USP37: variants seen among roughly 807,000 people sequenced by gnomAD.
USP37 encodes ubiquitin carboxyl-terminal hydrolase 37.
Under a neutral mutation model 124.0 loss-of-function variants are expected in USP37, and 27 were observed. The ratio of observed to expected loss-of-function variants is 0.22; its 90% CI spans 0.16 to 0.30. The LOEUF (loss-of-function observed/expected upper bound fraction) is 0.30, where lower values mean the gene tolerates loss of function less well. Among genes scored for constraint, USP37 ranks in the 10% least tolerant of loss-of-function variants. The probability of loss-of-function intolerance (pLI) is 1.00; values close to 1 mark genes in which losing one functional copy is unlikely to be tolerated. For synonymous variants in USP37, 365 were observed against 388.0 expected, an observed-to-expected ratio of 0.94 and a Z score of 0.70; for missense variants, 889 against 1,140.4, an observed-to-expected ratio of 0.78 and a Z score of 3.17.
chr2:218,544,438 GA>G lies in USP37; in HGVS notation c.680+1782del, dbSNP rs1559220789. Among the ~76,000 whole-genome samples the G allele has an allele frequency of 2.0e-3, 270 of 134,900 alleles. 6 individuals carry two copies. Among genetic ancestry groups the G allele is most frequent in the African/African-American group, 7.7e-3 (258 of 33,460 alleles). 88.5% of individuals were successfully genotyped at this position (134,900 alleles called of 152,430 possible). The stretch of plus-strand genomic sequence containing the variant: ...ATATATATATATATATATAGAGAGA[GA>G]GAGAGAGAGAGAGAGAGAGAGACCC... On this transcript the variant is annotated intron_variant, in intron 8 of 25. Transcript: ENST00000258399.
intron 21 of USP37, among the ~76,000 whole-genome samples, chr2:218,465,402 C>T (rs532691114): frequency 6.6e-6 from 1 of 151,626 alleles, no homozygotes; most frequent in South Asian, 2.1e-4. Flanking sequence ...CATAACAAGG[C>T]TCTGTCTCTA....
At chr2:218,487,095 T>C (rs897148867) in intron 15 of USP37, among the ~76,000 whole-genome samples, 1 of 152,138 alleles carries the variant, frequency 6.6e-6, no homozygotes, top group Non-Finnish European at 1.5e-5. Context: ...GGACCGCTAC[T>C]AGACAGATCA....
chr2:218,504,670 A>C (rs1689587224), intron 11 of USP37, among the ~76,000 whole-genome samples: 1 of 152,204 alleles, frequency 6.6e-6, no homozygotes, highest in African/African-American at 2.4e-5. Flanking sequence ...CCTAGCCTCA[A>C]GTGATCCTCC....
intron 20 of USP37, among the ~76,000 whole-genome samples, chr2:218,468,178 C>T (rs1690469630): frequency 6.6e-6 from 1 of 151,804 alleles, no homozygotes; most frequent in Non-Finnish European, 1.5e-5. Context: ...GCGTGAGCCA[C>T]CATACCCGGC....
At chr2:218,522,554 C>T (rs1282791039) in intron 10 of USP37, among the ~76,000 whole-genome samples, 1 of 93,104 alleles carries the variant, frequency 1.1e-5, no homozygotes, top group Admixed American at 1.3e-4. Context: ...CAGAGGCAAA[C>T]TCCACCACAA....
chr2:218,560,666 T>C (rs1204717513), intron 3 of USP37, among the ~76,000 whole-genome samples, 154 bp downstream of exon 3: 1 of 152,210 alleles, frequency 6.6e-6, no homozygotes, highest in Admixed American at 6.5e-5. Context: ...TAGCCAATTA[T>C]TACCATGTAG....
intron 23 of USP37, among the ~76,000 whole-genome samples, 154 bp from the exon 24 acceptor site, chr2:218,457,315 G>A (rs4292083): frequency 6.6e-6 from 1 of 152,162 alleles, no homozygotes; most frequent in Non-Finnish European, 1.5e-5. Flanking sequence ...TTTGACCCAA[G>A]AATTCCACCC....
chr2:218,456,325 C>G (rs190458570), intron 24 of USP37, among the ~76,000 whole-genome samples: 14 of 152,006 alleles, frequency 9.2e-5, no homozygotes, highest in South Asian at 2.1e-4. Context: ...GTGGCATGCA[C>G]GTGTAGTCGC....
At chr2:218,461,906 C>G (rs1402654191) in intron 22 of USP37, among the ~76,000 whole-genome samples, 2 of 152,078 alleles carry the variant, frequency 1.3e-5, no homozygotes, top group Non-Finnish European at 2.9e-5. Context: ...CCTGCAATCC[C>G]AACACTTTGG....
At chr2:218,498,921 G>A (rs1318648317) in intron 11 of USP37, among the ~76,000 whole-genome samples, 1 of 152,030 alleles carries the variant, frequency 6.6e-6, no homozygotes, top group African/African-American at 2.4e-5. Flanking sequence ...GAATTACTGG[G>A]TCATAGAATA....
intron 23 of USP37, among the ~76,000 whole-genome samples, chr2:218,457,669 A>T (rs959139835): frequency 5.9e-5 from 9 of 152,224 alleles, no homozygotes. Context: ...TATTTTAAAA[A>T]ATATGATTAA....
chr2:218,532,097 T>C lies in USP37; in HGVS notation c.779-2057A>G, dbSNP rs61685065. On this transcript the variant is annotated intron_variant, in intron 9 of 25. Transcript: ENST00000258399. ...GAAAGAAGTTCTGTGGGTAAAATGC[T>C]ATCAAGCAGCATCACATGCTACAGA... 2.9e-3 allele frequency among the ~76,000 whole-genome samples: 443 copies of C among 152,338 alleles called. 12 individuals are homozygous for C. The East Asian group carries it at 0.066, about 23-fold the overall frequency.
intron 10 of USP37, among the ~76,000 whole-genome samples, chr2:218,518,766 T>C (rs1263061482): frequency 1.3e-5 from 2 of 152,256 alleles, no homozygotes; most frequent in East Asian, 1.9e-4. Context: ...AAAGTGCTGC[T>C]ACCTGTGCTA....
chr2:218,498,976 AT>A (rs1352596809), intron 11 of USP37, among the ~76,000 whole-genome samples: 5 of 152,154 alleles, frequency 3.3e-5, no homozygotes, highest in African/African-American at 1.2e-4. Flanking sequence ...GTACAAATAT[AT>A]TTTAAAAACT....
intron 14 of USP37, among the ~76,000 whole-genome samples, chr2:218,494,623 A>G (rs1298384706): frequency 1.3e-5 from 2 of 152,220 alleles, no homozygotes; most frequent in East Asian, 3.8e-4. Flanking sequence ...GTGTGAGTCA[A>G]TAATTCTGCA....
At position 218,474,557 on chromosome 2, in the gene USP37, G is replaced by A. The variant is rs963341243; in HGVS notation, c.2299+73C>T. On this transcript the variant is annotated intron_variant, in intron 20 of 25. Coordinates refer to ENST00000258399, the MANE Select transcript of USP37 (RefSeq NM_020935.3). ...TTCTATTTATCTCCCGTTATTTGGAGGTTATTTGTCACTACAAAACTTTGA... is the reference window on the plus strand; with the variant it reads ...TTCTATTTATCTCCCGTTATTTGGAAGTTATTTGTCACTACAAAACTTTGA... 30 of 1,567,518 alleles carry A rather than the reference G, an allele frequency of 1.9e-5. No homozygotes were observed. The Middle Eastern group carries it at 1.5e-3, about 80-fold the overall frequency.
At chr2:218,499,300 A>G (rs1689240308) in intron 11 of USP37, among the ~76,000 whole-genome samples, 1 of 151,734 alleles carries the variant, frequency 6.6e-6, no homozygotes, top group African/African-American at 2.4e-5. Context: ...CAACAAAAAA[A>G]AACCTTTTAA....
At chr2:218,563,307 T>C (rs1426699114) in intron 1 of USP37, among the ~76,000 whole-genome samples, 1 of 152,182 alleles carries the variant, frequency 6.6e-6, no homozygotes, top group Admixed American at 6.5e-5. Flanking sequence ...AACAGAACTT[T>C]AGGAACTTAT....
chr2:218,484,454 T>C, intron 16 of USP37, among the ~76,000 whole-genome samples: 1 of 151,780 alleles, frequency 6.6e-6, no homozygotes, highest in Non-Finnish European at 1.5e-5. Context: ...AAACCCCGTC[T>C]CTACTAAAAA....
Sources: allele counts gnomAD v4.1 joint callset (sites outside exome capture counted in the v4.1 genomes callset), GRCh38; gene constraint gnomAD v4.1.1; transcripts MANE v1.5; gene names NCBI Gene and HGNC (gene_info 2026-07-23, HGNC 2026-07-21).